ESRRG: variants seen among roughly 807,000 people sequenced by gnomAD.
The protein encoded by ESRRG is estrogen-related receptor gamma.
A neutral mutation model predicts 44.0 loss-of-function variants in ESRRG; 13 were observed. That is an observed-to-expected ratio of 0.30 (90% CI 0.19 to 0.47). The LOEUF (loss-of-function observed/expected upper bound fraction) is 0.47. ESRRG is among the 20% of genes least tolerant of loss of function. The pLI, the probability that ESRRG is intolerant of heterozygous loss-of-function variation, is 1.00. For missense variants in ESRRG, 395 were observed against 580.6 expected (o/e 0.68, Z 3.29); for synonymous variants, 215 against 214.6 (o/e 1.00, Z -0.02).
intron 5 of ESRRG, among the ~76,000 whole-genome samples, chr1:216,549,259 A>C (rs971016988): frequency 5.9e-5 from 9 of 152,116 alleles, no homozygotes; most frequent in Non-Finnish European, 1.0e-4. Flanking sequence ...AGAGTTGCAA[A>C]TTTTAAATAC....
At chr1:216,864,346 A>C (rs1340939257) in intron 2 of ESRRG, 1 of 151,946 alleles carries the variant, frequency 6.6e-6, no homozygotes, top group Non-Finnish European at 1.5e-5. Flanking sequence ...AAAAAAAAAA[A>C]AAAACAGCCA....
chr1:216,527,015 T>G (rs2047862353), intron 5 of ESRRG, among the ~76,000 whole-genome samples: 1 of 152,210 alleles, frequency 6.6e-6, no homozygotes, highest in Non-Finnish European at 1.5e-5. Context: ...CAACTAGTAT[T>G]TAGAGTATCT....
At chr1:216,558,793 T>C (rs1342380768) in intron 5 of ESRRG, among the ~76,000 whole-genome samples, 7 of 152,148 alleles carry the variant, frequency 4.6e-5, no homozygotes, top group Non-Finnish European at 7.3e-5. Flanking sequence ...GGTATACAGG[T>C]ATATAACTAC....
intron 1 of ESRRG, among the ~76,000 whole-genome samples, chr1:216,687,980 CTCTGACAACAACT>C (rs2078335554): frequency 6.6e-6 from 1 of 151,766 alleles, no homozygotes; most frequent in Admixed American, 6.6e-5. Context: ...CAAATAGTGC[CTCTGACAACAACT>C]TCTGACAATG....
chr1:216,568,542 C>A (rs1460267812), intron 3 of ESRRG, among the ~76,000 whole-genome samples: 10 of 152,122 alleles, frequency 6.6e-5, no homozygotes, highest in Non-Finnish European at 1.5e-4. Flanking sequence ...TCAGGATGGA[C>A]CTGTGGAATT....
At chr1:217,097,689 A>G (rs2092443622) in intron 1 of ESRRG, among the ~76,000 whole-genome samples, 1 of 152,172 alleles carries the variant, frequency 6.6e-6, no homozygotes, top group Non-Finnish European at 1.5e-5. Context: ...GTGATGGCAT[A>G]ATCCCTTGTC....
chr1:217,058,358 T>C (rs1287274024), intron 1 of ESRRG, among the ~76,000 whole-genome samples: 2 of 152,166 alleles, frequency 1.3e-5, no homozygotes, highest in African/African-American at 4.8e-5. Context: ...GTTATGAATA[T>C]GGACAAGAAC....
chr1:216,905,626 G>T (rs555952589), intron 2 of ESRRG, among the ~76,000 whole-genome samples: 1 of 152,136 alleles, frequency 6.6e-6, no homozygotes, highest in African/African-American at 2.4e-5. Context: ...CTGTCTCCTC[G>T]TCATCACTGT....
At chr1:216,772,699 G>A (rs998678788) in intron 2 of ESRRG, among the ~76,000 whole-genome samples, 1 of 151,946 alleles carries the variant, frequency 6.6e-6, no homozygotes, top group African/African-American at 2.4e-5. Flanking sequence ...TTTTTTGTTT[G>A]TTTGTTTGTT....
intron 6 of ESRRG, among the ~76,000 whole-genome samples, chr1:216,518,122 C>T (rs1331226727): frequency 6.6e-6 from 1 of 152,164 alleles, no homozygotes; most frequent in Non-Finnish European, 1.5e-5. Context: ...TCGTCATCCA[C>T]AAGTAAGCAA....
intron 1 of ESRRG, among the ~76,000 whole-genome samples, chr1:216,948,632 G>A (rs1299452909): frequency 6.6e-6 from 1 of 151,882 alleles, no homozygotes; most frequent in African/African-American, 2.4e-5. Flanking sequence ...ACTGGTATAA[G>A]GAATCTATTT....
intron 2 of ESRRG, among the ~76,000 whole-genome samples, chr1:216,925,738 G>C (rs1033615382): frequency 6.6e-6 from 1 of 151,728 alleles, no homozygotes; most frequent in African/African-American, 2.4e-5. Flanking sequence ...ATCGCCTGAG[G>C]TCAGGAGTTT....
chr1:216,878,538 T>G (rs764594096), intron 2 of ESRRG, among the ~76,000 whole-genome samples: 5 of 152,250 alleles, frequency 3.3e-5, no homozygotes, highest in Admixed American at 3.3e-4. Context: ...AGTTTTACCT[T>G]CCACATTTAT....
rs187847780 is a variant in ESRRG, at chr1:216,788,959, G to A, written c.-13-111468C>T. The stretch of plus-strand genomic sequence containing the variant: ...AGCCTGAAAGTGGAACTGAATTGCT[G>A]GAATCTCAGGATAAAACTTGAATAG... On this transcript the variant is annotated intron_variant, in intron 2 of 7. Coordinates refer to the ESRRG transcript ENST00000359162. Among the ~76,000 whole-genome samples, 321 of 152,214 alleles carry A rather than the reference G, an allele frequency of 2.1e-3. 3 individuals carry two copies. Among genetic ancestry groups the A allele is most frequent in the African/African-American group, 7.1e-3 (297 of 41,564 alleles).
intron 3 of ESRRG, among the ~76,000 whole-genome samples, chr1:216,588,667 C>T (rs1378041340): frequency 6.6e-6 from 1 of 152,142 alleles, no homozygotes; most frequent in Non-Finnish European, 1.5e-5. Flanking sequence ...AAGCAATTCA[C>T]GATTAATACT....
At chr1:216,602,862 T>A (rs1362426101) in intron 3 of ESRRG, among the ~76,000 whole-genome samples, 2 of 152,226 alleles carry the variant, frequency 1.3e-5, no homozygotes, top group Non-Finnish European at 2.9e-5. Context: ...ACTTGATCAA[T>A]AATCTGACAT....
intron 5 of ESRRG, among the ~76,000 whole-genome samples, chr1:216,552,099 A>C (rs557701002): frequency 5.3e-5 from 8 of 152,166 alleles, no homozygotes; most frequent in Non-Finnish European, 1.2e-4. Flanking sequence ...TATTGTTTAT[A>C]CTTTGTGATA....
intron 1 of ESRRG, among the ~76,000 whole-genome samples, chr1:217,053,874 C>T (rs1490636985): frequency 6.6e-6 from 1 of 151,996 alleles, no homozygotes; most frequent in Non-Finnish European, 1.5e-5. Context: ...TTTGGAAACT[C>T]CATGGTGGGT....
intron 1 of ESRRG, among the ~76,000 whole-genome samples, chr1:217,102,484 A>G (rs182028152): frequency 1.3e-5 from 2 of 152,318 alleles, no homozygotes; most frequent in Admixed American, 6.5e-5. Flanking sequence ...GTAGTGTATG[A>G]GTTGCCACTT....
Sources: gnomAD v4.1 joint callset for allele counts (sites outside exome capture counted in the v4.1 genomes callset) on GRCh38, gnomAD v4.1.1 for gene constraint, MANE v1.5 for transcripts, NCBI Gene and HGNC (gene_info 2026-07-23, HGNC 2026-07-21) for gene names.